The following MCM9 variants were observed in gnomAD, a reference collection of about 807,000 sequenced individuals.
MCM9 encodes minichromosome maintenance 9 homologous recombination repair factor, also known as DNA helicase MCM9.
MCM9 carries 55 observed loss-of-function variants against 72.8 expected under a neutral mutation model. The ratio of observed to expected loss-of-function variants is 0.76; its 90% CI spans 0.61 to 0.95. MCM9 has a LOEUF of 0.95. Among genes scored for constraint, MCM9 ranks in the 40% least tolerant of loss-of-function variants. The pLI, the probability that MCM9 is intolerant of heterozygous loss-of-function variation, is 0.00. For synonymous variants in MCM9, 480 were observed against 503.4 expected (o/e 0.95, Z 0.62); for missense variants, 1,279 against 1,377.0 (o/e 0.93, Z 1.13).
At chr6:118,819,366 T>C (rs765557501) in intron 13 of MCM9, among the ~76,000 whole-genome samples, 1 of 152,222 alleles carries the variant, frequency 6.6e-6, no homozygotes, top group Non-Finnish European at 1.5e-5. Context: ...TTTCTGCATC[T>C]ATTGAGATAA....
At chr6:118,928,975 T>C (rs947031570) in intron 3 of MCM9, among the ~76,000 whole-genome samples, 1 of 152,052 alleles carries the variant, frequency 6.6e-6, no homozygotes, top group Admixed American at 6.5e-5. Flanking sequence ...ATCCCAGCAC[T>C]TTGGGAGGCC....
chr6:118,911,259 T>A (rs1473296931), intron 8 of MCM9: 2 of 989,356 alleles, frequency 2.0e-6, no homozygotes, highest in Non-Finnish European at 2.4e-6. Context: ...GCCTATCAGA[T>A]TTATGAGCAT....
intron 8 of MCM9, among the ~76,000 whole-genome samples, chr6:118,875,825 G>T (rs961546211): frequency 1.3e-5 from 2 of 152,152 alleles, no homozygotes; most frequent in African/African-American, 4.8e-5. Context: ...CAATTTGGCA[G>T]TTTCTAACAA....
At chr6:118,876,324 C>A (rs1372361758) in intron 8 of MCM9, among the ~76,000 whole-genome samples, 1 of 152,118 alleles carries the variant, frequency 6.6e-6, no homozygotes, top group Non-Finnish European at 1.5e-5. Context: ...TGTCATTATA[C>A]ATTTGCCAAA....
At chr6:118,916,499 C>T (rs1029623989) in intron 6 of MCM9, among the ~76,000 whole-genome samples, 54 of 149,714 alleles carry the variant, frequency 3.6e-4, no homozygotes, top group African/African-American at 1.2e-3. Context: ...CACTCTGTCG[C>T]CCAGGCTGGT....
intron 9 of MCM9, among the ~76,000 whole-genome samples, chr6:118,837,168 G>A (rs1775018265): frequency 6.6e-6 from 1 of 152,152 alleles, no homozygotes. Flanking sequence ...ATGTAGTTGT[G>A]CAGTTTTGAA....
Position 118,907,277 on chromosome 6 carries a change from T to C in MCM9, c.1150+4373A>G, listed in dbSNP as rs565857681. 138 of 646,054 alleles carry C rather than the reference T, an allele frequency of 2.1e-4. 1 individual carries two copies. The East Asian group carries it at 3.1e-3, about 14-fold the overall frequency. The allele number at this position is 646,054 out of a possible 1,614,324, so 40.0% of individuals were successfully genotyped here. A position where few individuals can be genotyped will look rare whatever the true frequency, so the allele number is the denominator to read the frequency against. The stretch of plus-strand genomic sequence containing the variant: ...TATTTAAGGTACTTAACTTGAATTA[T>C]ACCTTTGTATATGAACTTAGCCCTT... On this transcript the variant is annotated intron_variant, in intron 8 of 13. Coordinates refer to ENST00000619706, the MANE Select transcript of MCM9 (RefSeq NM_017696.3).
chr6:118,921,286 C>G (rs1474774029), intron 5 of MCM9: 1 of 152,194 alleles, frequency 6.6e-6, no homozygotes, highest in African/African-American at 2.4e-5. Context: ...AAATCTACCT[C>G]CTTGTGGCTT....
chr6:118,898,722 T>C (rs919716814), intron 8 of MCM9, among the ~76,000 whole-genome samples: 3 of 152,242 alleles, frequency 2.0e-5, no homozygotes, highest in African/African-American at 7.2e-5. Flanking sequence ...CCAGCCACTC[T>C]ATGTGATAAT....
chr6:118,915,621 A>C (rs1335678205), intron 6 of MCM9, among the ~76,000 whole-genome samples: 1 of 152,106 alleles, frequency 6.6e-6, no homozygotes, highest in Non-Finnish European at 1.5e-5. Context: ...CCAGCTTTAG[A>C]CCAGCAAAAT....
intron 5 of MCM9, 29 bp from the exon 6 acceptor site, chr6:118,917,790 A>G (rs774155587): frequency 4.4e-6 from 7 of 1,586,900 alleles, no homozygotes; most frequent in Non-Finnish European, 6.1e-6. Context: ...TGAGTCCAGC[A>G]GTAGCATCCT....
At position 118,911,688 on chromosome 6, in the gene MCM9, C is replaced by CT; in HGVS notation, c.1111dup (p.Arg371LysfsTer12). 6.2e-7 allele frequency: 1 copy of CT among 1,613,594 alleles called. No homozygotes were observed. ...TCCAATTCCTGTGGTCAGCACAGAT[C>CT]TTGGTGTAATCTTTGCTGCATATTT... On this transcript the variant is annotated frameshift_variant, in exon 8 of 14. Transcript: ENST00000619706. LOFTEE classifies it high-confidence loss of function.
chr6:118,915,941 C>G (rs567988518), intron 6 of MCM9, among the ~76,000 whole-genome samples: 2 of 152,178 alleles, frequency 1.3e-5, no homozygotes, highest in Admixed American at 1.3e-4. Context: ...GTTAGAGTAC[C>G]ATATGATGGC....
At chr6:118,924,760 A>G (rs1048890271) in intron 3 of MCM9, among the ~76,000 whole-genome samples, 1 of 152,230 alleles carries the variant, frequency 6.6e-6, no homozygotes, top group African/African-American at 2.4e-5. Context: ...GCAAAATGCC[A>G]AAGAAAATTC....
intron 7 of MCM9, chr6:118,912,515 C>G (rs1007157087): frequency 5.9e-5 from 9 of 152,276 alleles, no homozygotes; most frequent in African/African-American, 2.2e-4. Context: ...TAGGAAACCC[C>G]TATTTAAGCT....
intron 8 of MCM9, chr6:118,894,519 G>T (rs1779206981): frequency 6.5e-7 from 1 of 1,536,748 alleles, no homozygotes; most frequent in Non-Finnish European, 8.7e-7. Context: ...GGACCTGTCT[G>T]AAGGTGAGTG....
chr6:118,838,771 G>A (rs564269136), intron 9 of MCM9, among the ~76,000 whole-genome samples: 24 of 152,306 alleles, frequency 1.6e-4, no homozygotes, highest in African/African-American at 5.5e-4. Flanking sequence ...CTCTCTTCTG[G>A]TTTGTAGGGT....
At chr6:118,819,159 G>A (rs1773616351) in intron 13 of MCM9, among the ~76,000 whole-genome samples, 1 of 152,134 alleles carries the variant, frequency 6.6e-6, no homozygotes. Flanking sequence ...ATACTATGTT[G>A]ACTAGGAGTG....
At chr6:118,894,564 T>C in intron 8 of MCM9, 1 of 1,475,020 alleles carries the variant, frequency 6.8e-7, no homozygotes, top group Non-Finnish European at 9.2e-7. Flanking sequence ...AGTTGCGGGC[T>C]GCAGACGTTG....
Sources: allele counts gnomAD v4.1 joint callset (sites outside exome capture counted in the v4.1 genomes callset), GRCh38; gene constraint gnomAD v4.1.1; transcripts MANE v1.5; gene names NCBI Gene and HGNC (gene_info 2026-07-23, HGNC 2026-07-21).